SMYD5: variants seen among roughly 807,000 people sequenced by gnomAD.
SMYD5 encodes the protein SMYD family member 5.
In SMYD5, 35 loss-of-function variants were observed where a neutral mutation model predicts 57.4. The observed-to-expected ratio is 0.61, with a 90% CI of 0.47 to 0.81. The LOEUF (loss-of-function observed/expected upper bound fraction) is 0.81. SMYD5 is among the 30% of genes least tolerant of loss of function. SMYD5 has a pLI of 0.00. For synonymous variants in SMYD5, 198 were observed against 189.7 expected (o/e 1.04, Z -0.36); for missense variants, 471 against 527.9 (o/e 0.89, Z 1.06).
chr2:73,217,032 A>C (rs1399352825), intron 1 of SMYD5, among the ~76,000 whole-genome samples: 1 of 151,186 alleles, frequency 6.6e-6, no homozygotes, highest in South Asian at 2.1e-4. Context: ...GCTCACTGCA[A>C]CCTCCGCCTC....
Position 73,221,190 on chromosome 2 carries a change from G to A in SMYD5, c.493G>A (p.Ala165Thr), listed in dbSNP as rs778372554. ...GAGTATTCACTACCCACCTGAGACTGCAAGCATCATGTTGATGGCTAGGAT... is the reference window on the plus strand; with the variant it reads ...GAGTATTCACTACCCACCTGAGACTACAAGCATCATGTTGATGGCTAGGAT... ...WRSIHYPPETASIMLMARMVA... is the reference protein window; with the variant it reads ...WRSIHYPPETTSIMLMARMVA... Residue 165 changes from alanine to threonine, a missense_variant, in exon 5 of 13, where the codon GCA (alanine) becomes ACA (threonine). Transcript: ENST00000389501. The A allele has an allele frequency of 6.2e-7, 1 of 1,613,962 alleles. No homozygotes were observed. The highest frequency in any genetic ancestry group is 1.7e-5 in the Admixed American group (1 of 60,012).
intron 1 of SMYD5, among the ~76,000 whole-genome samples, chr2:73,216,131 A>G (rs1252776718): frequency 6.6e-6 from 1 of 152,214 alleles, no homozygotes. Flanking sequence ...TATGCCAGAG[A>G]CATGACCAGT....
chr2:73,223,846 G>C, intron 9 of SMYD5, 101 bp from the exon 10 acceptor site: 3 of 1,082,664 alleles, frequency 2.8e-6, no homozygotes, highest in Middle Eastern at 2.0e-4. Flanking sequence ...GTGTGGTGGG[G>C]TTGCAGGACA....
Position 73,214,263 on chromosome 2 carries a change from C to G in SMYD5, c.-4C>G, listed in dbSNP as rs771782249. On this transcript the variant is annotated 5_prime_UTR_variant, in exon 1 of 13. Coordinates refer to ENST00000389501, the MANE Select transcript of SMYD5 (RefSeq NM_006062.3). ...AAGGGTCATAAGGCGGAGGCGCGCC[C>G]AAGATGGCGGCCTCCATGTGCGACG... The G allele has an allele frequency of 2.5e-6, 4 of 1,613,572 alleles. No homozygotes were observed. The highest frequency in any genetic ancestry group is 1.7e-5 in the Admixed American group (1 of 60,006).
At chr2:73,214,461 G>T (rs1443648053) in intron 1 of SMYD5, 99 bp downstream of exon 1, 36 of 1,579,678 alleles carry the variant, frequency 2.3e-5, no homozygotes, top group Non-Finnish European at 2.8e-5. Flanking sequence ...CTTCTGTGCC[G>T]CTCGGACGCT....
chr2:73,225,686 G>A lies in SMYD5; in HGVS notation c.1091G>A (p.Arg364His), dbSNP rs764955963. 5.9e-5 allele frequency: 96 copies of A among 1,614,098 alleles called. No individual in the cohort carries two copies. Among genetic ancestry groups the A allele is most frequent in the Non-Finnish European group, 7.9e-5 (93 of 1,180,042 alleles). ...CCQRERSRHS[R>H]HKILRENYLF... ...CAGCGGGAGCGCAGCCGCCACAGCC[G>A]CCACAAGATCCTCAGGTGCCAGCTG... is the stretch of plus-strand genomic sequence containing the variant. The change falls in exon 12 of 13, where the codon CGC becomes CAC. Residue 364 changes from arginine (R) to histidine (H), a missense_variant. Arg to His is a conservative substitution (Grantham distance 29). Transcript: ENST00000389501.
rs756994068 is a variant in SMYD5 at position 73,214,388 on chromosome 2, G to A, written c.96+26G>A. The A allele has an allele frequency of 5.0e-6, 8 of 1,612,598 alleles. No homozygotes were observed. The South Asian group carries it at 6.6e-5, about 13-fold the overall frequency. On this transcript the variant is annotated intron_variant, in intron 1 of 12. Coordinates refer to ENST00000389501, the MANE Select transcript of SMYD5 (RefSeq NM_006062.3). ...GTGAGGTCGGGGCGGGTCCTGCCGGGAGCCTCTCCCCAGTCCGGCCATGGA... is the reference window on the plus strand; with the variant it reads ...GTGAGGTCGGGGCGGGTCCTGCCGGAAGCCTCTCCCCAGTCCGGCCATGGA...
intron 1 of SMYD5, among the ~76,000 whole-genome samples, chr2:73,218,394 C>G (rs1686327262): frequency 6.6e-6 from 1 of 152,200 alleles, no homozygotes; most frequent in South Asian, 2.1e-4. Flanking sequence ...ACATTCTCCC[C>G]CAAACAAGGC....
intron 1 of SMYD5, among the ~76,000 whole-genome samples, chr2:73,217,484 G>A (rs1309634993): frequency 6.6e-6 from 1 of 152,146 alleles, no homozygotes; most frequent in Non-Finnish European, 1.5e-5. Flanking sequence ...CATAGAGGAA[G>A]GCCAAGTTTT....
In SMYD5 at chr2:73,226,947, C is replaced by G. The variant is rs1020072815; in HGVS notation, c.*1001C>G. ...GCCCTGTCTTGTCCCCTCCTACCCC[C>G]AGATTAGCACCACCCCTCTCACTCT... On this transcript the variant is annotated 3_prime_UTR_variant, in exon 13 of 13. Transcript: ENST00000389501. 1 of 152,830 alleles carries G rather than the reference C, an allele frequency of 6.5e-6. No individual in the cohort carries two copies. The highest frequency in any genetic ancestry group is 1.9e-4 in the East Asian group (1 of 5,184). 9.5% of individuals were successfully genotyped at this position (152,830 alleles called of 1,614,324 possible). A position where few individuals can be genotyped will look rare whatever the true frequency, so the allele number is the denominator to read the frequency against.
chr2:73,223,508 C>T lies in SMYD5; in HGVS notation c.859C>T (p.Gln287Ter). The change falls in exon 9 of 13, where the codon CAG becomes TAG. Residue 287 changes from glutamine to a stop codon, truncating the protein, a stop_gained. Coordinates refer to ENST00000389501, the MANE Select transcript of SMYD5 (RefSeq NM_006062.3). LOFTEE classifies it high-confidence loss of function. Reference protein sequence around the residue: ...DREQLDAFIDQLYKDIEAATG... With the variant: ...DREQLDAFID Reference sequence around the variant, plus strand: ...TGAGCAGCTTGACGCCTTCATTGACCAGCTATACAAGGACATCGAGGCAGG... The same window carrying T: ...TGAGCAGCTTGACGCCTTCATTGACTAGCTATACAAGGACATCGAGGCAGG... 1 of 1,613,660 alleles carries T rather than the reference C, an allele frequency of 6.2e-7. No individual in the cohort carries two copies. The highest frequency in any genetic ancestry group is 8.5e-7 in the Non-Finnish European group (1 of 1,179,572).
chr2:73,219,726 T>C (rs1269768096), intron 2 of SMYD5, among the ~76,000 whole-genome samples: 1 of 152,132 alleles, frequency 6.6e-6, no homozygotes, highest in East Asian at 1.9e-4. Flanking sequence ...GGAGGGTCAG[T>C]TGGCCCCAGA....
At position 73,221,251 on chromosome 2, in the gene SMYD5, C is replaced by A; in HGVS notation, c.537+17C>A. The A allele has an allele frequency of 3.1e-6, 5 of 1,610,244 alleles. No individual in the cohort carries two copies. The highest frequency in any genetic ancestry group is 4.2e-6 in the Non-Finnish European group (5 of 1,176,568). ...GTGAAGCAGGTGAGCCCACCCAACC[C>A]TCTCGGGGAAGCTGACTTTGGCCCC... On this transcript the variant is annotated intron_variant, in intron 5 of 12. Transcript: ENST00000389501.
At chr2:73,222,264 G>C (rs1332982639) in intron 6 of SMYD5, among the ~76,000 whole-genome samples, 1 of 152,232 alleles carries the variant, frequency 6.6e-6, no homozygotes, top group Non-Finnish European at 1.5e-5. Flanking sequence ...TCAGAGAGCA[G>C]TGTGAAACTG....
In SMYD5 at chr2:73,226,314, T is replaced by C; in HGVS notation, c.*368T>C. ...CCCTTCACCTGAGGCTTCTCCCCTCTCAACTTGCTGTTGATTTCTTTTGAG... is the reference window on the plus strand; with the variant it reads ...CCCTTCACCTGAGGCTTCTCCCCTCCCAACTTGCTGTTGATTTCTTTTGAG... On this transcript the variant is annotated 3_prime_UTR_variant, in exon 13 of 13. Transcript: ENST00000389501. The C allele has an allele frequency of 4.4e-6, 1 of 225,414 alleles. No homozygotes were observed. The highest frequency in any genetic ancestry group is 5.1e-5 in the Admixed American group (1 of 19,666). The allele number at this position is 225,414 out of a possible 1,614,324, so 14.0% of individuals were successfully genotyped here.
intron 1 of SMYD5, 138 bp downstream of exon 1, chr2:73,214,500 G>T (rs990354124): frequency 2.3e-5 from 34 of 1,494,074 alleles, no homozygotes; most frequent in Middle Eastern, 2.5e-4. Flanking sequence ...GCGGCCCGGG[G>T]GCTCCCAGTC....
At position 73,223,048 on chromosome 2, in the gene SMYD5, G is replaced by C; in HGVS notation, c.718G>C (p.Asp240His). Residue 240 changes from aspartate (D) to histidine (H), a missense_variant, in exon 8 of 13, where the codon GAT (aspartate) becomes CAT (histidine). Transcript: ENST00000389501. Reference sequence around the variant, plus strand: ...TTTCCCCCCACAGTGGTTCACTCCAGATGGATTCCGGTCTCTCTTTGCTCT... The same window carrying C: ...TTTCCCCCCACAGTGGTTCACTCCACATGGATTCCGGTCTCTCTTTGCTCT... ...EEAVSQWFTPDGFRSLFALVG... is the reference protein window; with the variant it reads ...EEAVSQWFTPHGFRSLFALVG... 5.0e-6 allele frequency: 8 copies of C among 1,614,204 alleles called. No homozygotes were observed. The highest frequency in any genetic ancestry group is 6.8e-6 in the Non-Finnish European group (8 of 1,180,010).
chr2:73,214,677 C>T, intron 1 of SMYD5: 1 of 1,433,352 alleles, frequency 7.0e-7, no homozygotes, highest in South Asian at 1.2e-5. Flanking sequence ...GAACGGTGGG[C>T]GGGGATGTGC....
chr2:73,224,989 G>A (rs1351867048), intron 11 of SMYD5, 29 bp downstream of exon 11: 4 of 1,569,146 alleles, frequency 2.5e-6, no homozygotes, highest in South Asian at 1.1e-5. Flanking sequence ...CGTCGGGATG[G>A]GTGGGCAGTA....
Sources: gnomAD v4.1 joint callset for allele counts (sites outside exome capture counted in the v4.1 genomes callset) on GRCh38, gnomAD v4.1.1 for gene constraint, MANE v1.5 for transcripts, NCBI Gene and HGNC (gene_info 2026-07-23, HGNC 2026-07-21) for gene names.